Variants in POC1B observed in about 807,000 individuals in gnomAD.
POC1B encodes the protein POC1 centriolar protein B.
A neutral mutation model predicts 60.6 loss-of-function variants in POC1B; 44 were observed. The ratio of observed to expected loss-of-function variants is 0.73; its 90% CI spans 0.57 to 0.93. POC1B has a LOEUF of 0.93. Ranked by LOEUF, POC1B falls within the 40% of genes least tolerant of loss-of-function variation. The pLI is 0.00. For missense variants in POC1B, 555 were observed against 572.3 expected, an observed-to-expected ratio of 0.97 and a Z score of 0.31; for synonymous variants, 180 against 198.9, an observed-to-expected ratio of 0.90 and a Z score of 0.80.
At chr12:89,456,778 A>T (rs1402320303) in intron 10 of POC1B, among the ~76,000 whole-genome samples, 1 of 152,138 alleles carries the variant, frequency 6.6e-6, no homozygotes, top group Non-Finnish European at 1.5e-5. Context: ...CCTGTTAAAG[A>T]CTGTATGCCA....
intron 4 of POC1B, among the ~76,000 whole-genome samples, chr12:89,478,831 C>CA (rs1287411778): frequency 1.3e-5 from 2 of 152,038 alleles, no homozygotes; most frequent in Non-Finnish European, 1.5e-5. Context: ...TATTTACTCC[C>CA]AAAAAATCAA....
intron 4 of POC1B, among the ~76,000 whole-genome samples, chr12:89,488,440 A>G (rs1868764132): frequency 6.6e-6 from 1 of 152,198 alleles, no homozygotes; most frequent in African/African-American, 2.4e-5. Context: ...AGGAGCACAT[A>G]GCACTGGACA....
chr12:89,458,792 G>A (rs781374101), intron 10 of POC1B, among the ~76,000 whole-genome samples: 2 of 152,128 alleles, frequency 1.3e-5, no homozygotes, highest in African/African-American at 4.8e-5. Flanking sequence ...CAAAGACCAC[G>A]CTGTTCTTCC....
intron 10 of POC1B, among the ~76,000 whole-genome samples, chr12:89,443,577 C>A (rs1881628939): frequency 6.6e-6 from 1 of 151,022 alleles, no homozygotes; most frequent in South Asian, 2.1e-4. Flanking sequence ...CACAACATAC[C>A]AGAATCTCTG....
At chr12:89,444,032 C>T (rs1881653411) in intron 10 of POC1B, among the ~76,000 whole-genome samples, 1 of 152,260 alleles carries the variant, frequency 6.6e-6, no homozygotes, top group South Asian at 2.1e-4. Flanking sequence ...TGGACACATA[C>T]ATCCTCCCAA....
At chr12:89,435,749 A>G (rs1482584742) in intron 10 of POC1B, among the ~76,000 whole-genome samples, 1 of 152,200 alleles carries the variant, frequency 6.6e-6, no homozygotes, top group African/African-American at 2.4e-5. Flanking sequence ...CACCAAAAAT[A>G]ACATTCAAAT....
chr12:89,434,873 A>G (rs547947869), intron 10 of POC1B, among the ~76,000 whole-genome samples: 1 of 152,320 alleles, frequency 6.6e-6, no homozygotes, highest in African/African-American at 2.4e-5. Flanking sequence ...AAAAAATAAG[A>G]TATTTTCAGA....
At chr12:89,492,310 T>C (rs895520709) in intron 3 of POC1B, among the ~76,000 whole-genome samples, 195 bp from the exon 4 acceptor site, 2 of 152,072 alleles carry the variant, frequency 1.3e-5, no homozygotes, top group African/African-American at 4.8e-5. Flanking sequence ...AAATTTCAGG[T>C]GTTGAGAACT....
At chr12:89,458,101 T>C (rs896599052) in intron 10 of POC1B, among the ~76,000 whole-genome samples, 2 of 152,130 alleles carry the variant, frequency 1.3e-5, no homozygotes, top group African/African-American at 4.8e-5. Context: ...TCTCAAAAGG[T>C]GGACCAAAGA....
At chr12:89,503,113 C>CTT (rs1408468269) in intron 2 of POC1B, among the ~76,000 whole-genome samples, 1 of 152,170 alleles carries the variant, frequency 6.6e-6, no homozygotes, top group Non-Finnish European at 1.5e-5. Context: ...CTATCCCTCT[C>CTT]TCCCCACGGT....
chr12:89,447,676 C>G (rs1881844111), intron 10 of POC1B, among the ~76,000 whole-genome samples: 1 of 152,016 alleles, frequency 6.6e-6, no homozygotes, highest in Admixed American at 6.6e-5. Context: ...ATAATATTTA[C>G]TCAGCATGGT....
chr12:89,525,494 G>T, intron 1 of POC1B: 3 of 1,320,352 alleles, frequency 2.3e-6, no homozygotes, highest in Non-Finnish European at 1.9e-6. Context: ...GCACGTTCCC[G>T]GGCCCCGCCC....
At chr12:89,428,465 T>A (rs1880868151) in intron 10 of POC1B, 1 of 152,278 alleles carries the variant, frequency 6.6e-6, no homozygotes, top group African/African-American at 2.4e-5. Context: ...CTCACTAGAC[T>A]ACTATGTTTA....
chr12:89,453,795 C>A (rs1049478589), intron 10 of POC1B, among the ~76,000 whole-genome samples: 8 of 152,142 alleles, frequency 5.3e-5, no homozygotes, highest in Admixed American at 5.2e-4. Context: ...TGTCTAGTAA[C>A]CAGGATGAAC....
chr12:89,488,002 T>A lies in POC1B; in HGVS notation c.452+3934A>T, dbSNP rs114864370. On this transcript the variant is annotated intron_variant, in intron 4 of 11. Transcript: ENST00000313546. The stretch of plus-strand genomic sequence containing the variant: ...CCTGAGGCCAAGACTGTGTCTTTCA[T>A]CTCTACATACTTAATATAGCTATAT... Among the ~76,000 whole-genome samples, 354 of 152,300 alleles carry A rather than the reference T, an allele frequency of 2.3e-3. 1 individual carries two copies. Among genetic ancestry groups the A allele is most frequent in the African/African-American group, 8.0e-3 (332 of 41,552 alleles).
chr12:89,418,530 C>T (rs1325538089), downstream of POC1B, among the ~76,000 whole-genome samples: 1 of 152,112 alleles, frequency 6.6e-6, no homozygotes, highest in Non-Finnish European at 1.5e-5. Context: ...TGTTTGGCCC[C>T]ACCAAGTCTC....
At chr12:89,413,969 G>T in the POC1B span, among the ~76,000 whole-genome samples, 1 of 152,104 alleles carries the variant, frequency 6.6e-6, no homozygotes, top group Admixed American at 6.5e-5. Context: ...TTGGCTCACT[G>T]CAACCTCCGC....
intron 10 of POC1B, among the ~76,000 whole-genome samples, chr12:89,444,102 G>A (rs1421586249): frequency 2.0e-5 from 3 of 152,134 alleles, no homozygotes; most frequent in Admixed American, 2.0e-4. Flanking sequence ...TGAAACTGAG[G>A]CAATAATTAA....
At chr12:89,507,880 C>G (rs1015869095) in intron 2 of POC1B, among the ~76,000 whole-genome samples, 10 of 152,334 alleles carry the variant, frequency 6.6e-5, no homozygotes, top group Admixed American at 5.9e-4. Flanking sequence ...GAGGCTCTGT[C>G]TGGAACACTA....
Sources: gnomAD v4.1 joint callset for allele counts (sites outside exome capture counted in the v4.1 genomes callset) on GRCh38, gnomAD v4.1.1 for gene constraint, MANE v1.5 for transcripts, NCBI Gene and HGNC (gene_info 2026-07-23, HGNC 2026-07-21) for gene names.